CTNND2: variants seen among roughly 807,000 people sequenced by gnomAD.
CTNND2 encodes the protein catenin delta 2.
CTNND2 carries 22 observed loss-of-function variants against 144.4 expected under a neutral mutation model. The observed-to-expected ratio is 0.15, with a 90% CI of 0.11 to 0.22. The LOEUF is 0.22. CTNND2 is among the 10% of genes least tolerant of loss of function. CTNND2 has a pLI of 1.00. For synonymous variants in CTNND2, 751 were observed against 695.6 expected (o/e 1.08, Z -1.25); for missense variants, 1,353 against 1,618.8 (o/e 0.84, Z 2.82).
Position 11,731,074 on chromosome 5 carries a change from A to G in CTNND2, c.174+1062T>C, listed in dbSNP as rs61763027. Among the ~76,000 whole-genome samples the G allele has an allele frequency of 5.9e-3, 896 of 152,268 alleles. 7 individuals are homozygous for G. Among genetic ancestry groups the G allele is most frequent in the Non-Finnish European group, 0.01 (687 of 68,022 alleles). ...GGAGCACAGCCTAAAGCTCAACCCA[A>G]TTTCCTGCTTACTGACTATTTTCAC... is the stretch of plus-strand genomic sequence containing the variant. On this transcript the variant is annotated intron_variant, in intron 2 of 21. Transcript: ENST00000304623.
intron 16 of CTNND2, among the ~76,000 whole-genome samples, chr5:11,060,528 C>T (rs1181268899): frequency 1.3e-5 from 2 of 152,140 alleles, no homozygotes; most frequent in South Asian, 4.1e-4. Context: ...AGTCTAGACT[C>T]GTGGATGGAA....
At chr5:11,346,272 T>C (rs1754766055) in intron 9 of CTNND2, 100 bp downstream of exon 9, 2 of 1,192,670 alleles carry the variant, frequency 1.7e-6, no homozygotes, top group Admixed American at 3.0e-5. Context: ...AACCCTTTAA[T>C]AGTCAGTGAC....
chr5:11,774,254 C>T (rs956563545), intron 1 of CTNND2, among the ~76,000 whole-genome samples: 5 of 151,912 alleles, frequency 3.3e-5, no homozygotes, highest in East Asian at 3.9e-4. Context: ...TGATGATTTC[C>T]GATTTCATCC....
intron 16 of CTNND2, among the ~76,000 whole-genome samples, chr5:11,031,272 C>T (rs1395460715): frequency 1.3e-5 from 2 of 152,080 alleles, no homozygotes; most frequent in East Asian, 3.9e-4. Context: ...TGAGAAGCAG[C>T]AATCAGCAGA....
chr5:11,082,908 A>G, intron 15 of CTNND2, 62 bp from the exon 16 acceptor site: 1 of 1,565,572 alleles, frequency 6.4e-7, no homozygotes. Flanking sequence ...TGCAAATAGT[A>G]CATTTGCGTT....
At chr5:11,515,612 G>A (rs1237898476) in intron 3 of CTNND2, among the ~76,000 whole-genome samples, 2 of 152,140 alleles carry the variant, frequency 1.3e-5, no homozygotes, top group Non-Finnish European at 2.9e-5. Flanking sequence ...AAATCACGAA[G>A]TATGCAATTA....
chr5:11,825,610 T>C (rs1469482162), intron 1 of CTNND2, among the ~76,000 whole-genome samples: 1 of 151,932 alleles, frequency 6.6e-6, no homozygotes, highest in Non-Finnish European at 1.5e-5. Context: ...TTAAAGAAAA[T>C]GAATAATAAT....
rs963524837 is a variant in CTNND2, at chr5:11,844,459, C to T, written c.37+59358G>A. On this transcript the variant is annotated intron_variant, in intron 1 of 21. Coordinates refer to ENST00000304623, the MANE Select transcript of CTNND2 (RefSeq NM_001332.4). ...AAGACTAATAATGCAACCTCTAAAGCCAAATTAGGATTCAGATTTGTAGAT... is the reference window on the plus strand; with the variant it reads ...AAGACTAATAATGCAACCTCTAAAGTCAAATTAGGATTCAGATTTGTAGAT... Among the ~76,000 whole-genome samples the T allele has an allele frequency of 4.6e-5, 7 of 152,050 alleles. No homozygotes were observed. The East Asian group carries it at 7.7e-4, about 17-fold the overall frequency.
intron 3 of CTNND2, among the ~76,000 whole-genome samples, chr5:11,449,073 A>G (rs912380877): frequency 1.3e-5 from 2 of 152,106 alleles, no homozygotes; most frequent in African/African-American, 4.8e-5. Context: ...ATGAATAAAC[A>G]TAAAAGAAAC....
intron 2 of CTNND2, among the ~76,000 whole-genome samples, chr5:11,589,806 G>C (rs1779115677): frequency 6.6e-6 from 1 of 152,144 alleles, no homozygotes; most frequent in African/African-American, 2.4e-5. Context: ...TAGACGACCT[G>C]GGACAAGTTA....
At chr5:11,424,165 G>A (rs887009995) in intron 3 of CTNND2, among the ~76,000 whole-genome samples, 1 of 152,194 alleles carries the variant, frequency 6.6e-6, no homozygotes, top group Non-Finnish European at 1.5e-5. Context: ...TGTTCTACAA[G>A]TGAAAGGTTA....
At chr5:11,606,502 GA>G (rs761746438) in intron 2 of CTNND2, among the ~76,000 whole-genome samples, 1 of 152,140 alleles carries the variant, frequency 6.6e-6, no homozygotes, top group Non-Finnish European at 1.5e-5. Context: ...ATCATTTACT[GA>G]GATAGAAAAA....
At chr5:11,827,901 C>A (rs1002458617) in intron 1 of CTNND2, among the ~76,000 whole-genome samples, 1 of 152,126 alleles carries the variant, frequency 6.6e-6, no homozygotes, top group Non-Finnish European at 1.5e-5. Flanking sequence ...AGGAACTGAA[C>A]ACTTCTTAAA....
At chr5:11,196,019 G>C (rs1479388406) in intron 11 of CTNND2, among the ~76,000 whole-genome samples, 1 of 152,178 alleles carries the variant, frequency 6.6e-6, no homozygotes, top group Non-Finnish European at 1.5e-5. Flanking sequence ...TGCAAACAGG[G>C]AGCTGTTTTT....
At chr5:11,871,656 T>C (rs1219686176) in intron 1 of CTNND2, among the ~76,000 whole-genome samples, 1 of 152,198 alleles carries the variant, frequency 6.6e-6, no homozygotes, top group Non-Finnish European at 1.5e-5. Context: ...AAAGACTTTC[T>C]GGCACCCTCT....
At chr5:11,567,690 G>A (rs1342958632) in intron 2 of CTNND2, among the ~76,000 whole-genome samples, 1 of 152,042 alleles carries the variant, frequency 6.6e-6, no homozygotes, top group African/African-American at 2.4e-5. Flanking sequence ...TTTCATTTGG[G>A]TCTTTTTTGT....
chr5:11,728,239 G>A (rs534959019), intron 2 of CTNND2, among the ~76,000 whole-genome samples: 16 of 152,166 alleles, frequency 1.1e-4, no homozygotes, highest in East Asian at 7.8e-4. Context: ...TTGGGAGGCC[G>A]AGGCTGGTGG....
At chr5:11,537,052 GT>G (rs1388470632) in intron 3 of CTNND2, among the ~76,000 whole-genome samples, 1 of 144,876 alleles carries the variant, frequency 6.9e-6, no homozygotes, top group East Asian at 2.2e-4. Context: ...GAGGCAGCAG[GT>G]GGGGGGAAGG....
chr5:11,132,749 C>T (rs1755748407), intron 12 of CTNND2, among the ~76,000 whole-genome samples: 1 of 152,160 alleles, frequency 6.6e-6, no homozygotes. Flanking sequence ...AAGGAGACTC[C>T]AAGAGCTCTT....
Sources: allele counts gnomAD v4.1 joint callset (sites outside exome capture counted in the v4.1 genomes callset), GRCh38; gene constraint gnomAD v4.1.1; transcripts MANE v1.5; gene names NCBI Gene and HGNC (gene_info 2026-07-23, HGNC 2026-07-21).